The following NRG4 variants were observed in gnomAD, a reference collection of about 807,000 sequenced individuals.
NRG4 encodes pro-neuregulin-4, membrane-bound isoform.
A neutral mutation model predicts 15.0 loss-of-function variants in NRG4; 10 were observed. The ratio of observed to expected loss-of-function variants is 0.67; its 90% CI spans 0.41 to 1.13. The LOEUF is 1.13. Among genes scored for constraint, NRG4 ranks in the 50% most tolerant of loss-of-function variants. The pLI, the probability that NRG4 is intolerant of heterozygous loss-of-function variation, is 0.00. For missense variants in NRG4, 139 were observed against 140.2 expected, an observed-to-expected ratio of 0.99 and a Z score of 0.04; for synonymous variants, 41 against 50.1, an observed-to-expected ratio of 0.82 and a Z score of 0.77.
intron 4 of NRG4, among the ~76,000 whole-genome samples, chr15:75,957,562 C>CTA (rs10663590): frequency 0.99 from 150,563 of 152,324 alleles, 74,432 homozygotes; most frequent in East Asian, 1. Context: ...TACAATTTCA[C>CTA]TGTTGCACCC....
In NRG4 at chr15:75,977,162, GC is replaced by G. The variant is rs756197027; in HGVS notation, c.105-15189del. 6.6e-6 allele frequency among the ~76,000 whole-genome samples: 1 copy of G among 152,068 alleles called. No homozygotes were observed. The highest frequency in any genetic ancestry group is 1.5e-5 in the Non-Finnish European group (1 of 67,984). On this transcript the variant is annotated intron_variant, in intron 3 of 5. Transcript: ENST00000394907. The surrounding 1 kb of genome is among the most constrained non-coding windows in gnomAD (Gnocchi z 4.9). ...AAACTGCCCACTCAAGCCTCCAGAT[GC>G]CCCTCCCCCAACCAAGACTGAGCAT...
At chr15:75,974,004 T>C (rs1281906367) in intron 3 of NRG4, among the ~76,000 whole-genome samples, 2 of 152,182 alleles carry the variant, frequency 1.3e-5, no homozygotes, top group Non-Finnish European at 2.9e-5. Context: ...TCCTGGGCTT[T>C]TTTTGGTGGG....
downstream of NRG4, chr15:75,939,993 G>A (rs898038206): frequency 1.3e-5 from 2 of 151,918 alleles, no homozygotes; most frequent in African/African-American, 4.8e-5. Flanking sequence ...ATTCAACACA[G>A]TACTAGGAGT....
chr15:75,940,760 T>C (rs2030872399), downstream of NRG4: 1 of 118,574 alleles, frequency 8.4e-6, no homozygotes. Context: ...CAAATAATGA[T>C]GGGAAAGCTG....
At chr15:75,944,496 G>C (rs1874953) in intron 5 of NRG4, among the ~76,000 whole-genome samples, 69,242 of 152,016 alleles carry the variant, frequency 0.46, 16,652 homozygotes, top group South Asian at 0.7. Context: ...GCCCGGGGAG[G>C]CTTACATTCC....
At chr15:76,013,107 TA>T (rs2034868420), upstream of NRG4, among the ~76,000 whole-genome samples, 3 of 152,240 alleles carry the variant, frequency 2.0e-5, no homozygotes, top group African/African-American at 7.2e-5. Flanking sequence ...TTATCTTTTC[TA>T]AAACGACAAT....
chr15:76,014,889 T>C (rs1034254064), upstream of NRG4, among the ~76,000 whole-genome samples: 1 of 152,216 alleles, frequency 6.6e-6, no homozygotes, highest in African/African-American at 2.4e-5. Context: ...AGAAAGTCAA[T>C]GGTAGCCTGA....
At chr15:75,962,656 A>G (rs1279301228) in intron 3 of NRG4, among the ~76,000 whole-genome samples, 2 of 152,226 alleles carry the variant, frequency 1.3e-5, no homozygotes, top group Non-Finnish European at 2.9e-5. Flanking sequence ...CTCTAAAACT[A>G]TATAACAAAG....
chr15:76,034,554 TG>T lies in NRG4; in HGVS notation c.-57+1389del, dbSNP rs1408562834. The stretch of plus-strand genomic sequence containing the variant: ...GACTTAGAGTGGTGGATATGACAAT[TG>T]CTTGGAGGGAAAAACTTCTGTTTTA... On this transcript the variant is annotated intron_variant, in intron 5 of 8. Transcript: ENST00000563910. 3.9e-5 allele frequency among the ~76,000 whole-genome samples: 6 copies of T among 152,148 alleles called. No homozygotes were observed. The East Asian group carries it at 1.2e-3, about 29-fold the overall frequency.
intron 5 of NRG4, among the ~76,000 whole-genome samples, chr15:76,034,275 T>C (rs1434782708): frequency 1.3e-5 from 2 of 152,104 alleles, no homozygotes; most frequent in East Asian, 3.8e-4. Flanking sequence ...AAATTCCCAT[T>C]CAGAAAAGGG....
At chr15:75,962,164 A>C (rs2141816119) in intron 3 of NRG4, among the ~76,000 whole-genome samples, 190 bp from the exon 4 acceptor site, 1 of 152,330 alleles carries the variant, frequency 6.6e-6, no homozygotes, top group South Asian at 2.1e-4. Context: ...ATTTGTTATA[A>C]TAAAACAATT....
chr15:75,987,784 C>T (rs1271564070), intron 3 of NRG4, among the ~76,000 whole-genome samples: 1 of 152,188 alleles, frequency 6.6e-6, no homozygotes, highest in East Asian at 1.9e-4. Flanking sequence ...CTGTTGCCAG[C>T]AAGGAGCTTT....
chr15:76,030,311 C>T (rs535649173), intron 5 of NRG4, among the ~76,000 whole-genome samples: 1 of 152,076 alleles, frequency 6.6e-6, no homozygotes, highest in Non-Finnish European at 1.5e-5. Flanking sequence ...AAGCTGCAGC[C>T]ATCATGCTAC....
intron 4 of NRG4, among the ~76,000 whole-genome samples, chr15:76,047,606 A>C (rs921193922): frequency 4.6e-5 from 7 of 150,690 alleles, no homozygotes; most frequent in African/African-American, 1.7e-4. Context: ...GGTGGTTACC[A>C]AAGGCCATTA....
At chr15:76,046,208 G>T (rs1411230596) in intron 4 of NRG4, among the ~76,000 whole-genome samples, 4 of 150,740 alleles carry the variant, frequency 2.7e-5, no homozygotes, top group African/African-American at 9.9e-5. Flanking sequence ...AAGAGGACAC[G>T]CACAAAAAAG....
rs982060803 is a variant in NRG4, at chr15:76,044,058, C to T, written c.-105+8009G>A. On this transcript the variant is annotated intron_variant, in intron 4 of 8. Coordinates refer to the NRG4 transcript ENST00000563910. ...CAGGCGGGACTGCGGACTGCAGTGG[C>T]GCAATCTCGGCTCACTGCAAGCTCC... Among the ~76,000 whole-genome samples the T allele has an allele frequency of 5.9e-5, 9 of 152,042 alleles. 1 individual carries two copies. The highest frequency in any genetic ancestry group is 2.1e-4 in the South Asian group (1 of 4,832).
intron 5 of NRG4, among the ~76,000 whole-genome samples, chr15:76,023,130 CCACACACACACACACACA>C (rs10572540): frequency 0.031 from 3,746 of 120,170 alleles, 164 homozygotes; most frequent in African/African-American, 0.1. Flanking sequence ...CACCCATACT[CCACACACACACACACACA>C]CACACACACA....
chr15:75,935,615 T>C (rs1343574003), downstream of NRG4: 4 of 150,400 alleles, frequency 2.7e-5, no homozygotes, highest in African/African-American at 9.8e-5. Context: ...CTGATAAAAG[T>C]GGGCAATCTA....
At chr15:76,050,122 A>G (rs1371457249) in intron 4 of NRG4, among the ~76,000 whole-genome samples, 4 of 150,918 alleles carry the variant, frequency 2.7e-5, no homozygotes, top group African/African-American at 9.9e-5. Flanking sequence ...AGCCTTAGAC[A>G]TAAATAACTG....
Sources: gnomAD v4.1 joint callset for allele counts (sites outside exome capture counted in the v4.1 genomes callset) on GRCh38, gnomAD v4.1.1 for gene constraint, Gnocchi (gnomAD v3.1) non-coding constraint, MANE v1.5 for transcripts, NCBI Gene and HGNC (gene_info 2026-07-23, HGNC 2026-07-21) for gene names.